The following CACNA1I variants were observed in gnomAD, a reference collection of about 807,000 sequenced individuals.
CACNA1I encodes the protein calcium voltage-gated channel subunit alpha1 I, also known as voltage-dependent T-type calcium channel subunit alpha-1I.
In CACNA1I, 74 loss-of-function variants were observed where a neutral mutation model predicts 201.6. The ratio of observed to expected loss-of-function variants is 0.37; its 90% confidence interval spans 0.30 to 0.45. CACNA1I has a LOEUF of 0.45. CACNA1I is among the 20% of genes least tolerant of loss of function. The pLI is 1.00. For synonymous variants in CACNA1I, 1,431 were observed against 1,345.2 expected, an observed-to-expected ratio of 1.06 and a Z score of -1.40; for missense variants, 2,346 against 3,138.1, an observed-to-expected ratio of 0.75 and a Z score of 6.03.
At chr22:39,673,265 G>A (rs916911412) in intron 28 of CACNA1I, among the ~76,000 whole-genome samples, 183 bp downstream of exon 28, 2 of 152,150 alleles carry the variant, frequency 1.3e-5, no homozygotes, top group Non-Finnish European at 2.9e-5. Context: ...CAACACACAC[G>A]CATGCACCCT....
At chr22:39,583,190 A>G (rs900173407) in intron 1 of CACNA1I, among the ~76,000 whole-genome samples, 14 of 131,416 alleles carry the variant, frequency 1.1e-4, no homozygotes, top group African/African-American at 3.6e-4. Flanking sequence ...CCATCCATCT[A>G]TCCAACAATC....
chr22:39,591,202 C>T (rs1478693310), intron 1 of CACNA1I, among the ~76,000 whole-genome samples: 1 of 147,238 alleles, frequency 6.8e-6, no homozygotes, highest in Non-Finnish European at 1.5e-5. Context: ...TCTCGTTGCC[C>T]AGGCTGGAGT....
At chr22:39,641,314 A>G in intron 6 of CACNA1I, 132 bp downstream of exon 6, 1 of 698,200 alleles carries the variant, frequency 1.4e-6, no homozygotes, top group Non-Finnish European at 2.4e-6. Flanking sequence ...CAGAATAGGC[A>G]TTATCATGCC....
chr22:39,637,512 C>T (rs1045560995), intron 5 of CACNA1I, among the ~76,000 whole-genome samples: 8 of 152,140 alleles, frequency 5.3e-5, no homozygotes, highest in Non-Finnish European at 8.8e-5. Context: ...TGTCACTTGG[C>T]AGCACTCCTG....
intron 18 of CACNA1I, among the ~76,000 whole-genome samples, chr22:39,663,342 C>G (rs1308977965): frequency 6.6e-6 from 1 of 152,116 alleles, no homozygotes; most frequent in Non-Finnish European, 1.5e-5. Context: ...AGGTGGCATT[C>G]CAGTAGGCAC....
In CACNA1I at chr22:39,679,826, C is replaced by G. The variant is rs375581733; in HGVS notation, c.5499C>G (p.Ser1833=). The G allele has an allele frequency of 2.5e-6, 4 of 1,612,880 alleles. No homozygotes were observed. The African/African-American group carries it at 4.0e-5, about 16-fold the overall frequency. ...CGGGCTCCATCTTCCACCACTACTC[C>G]TCGCCTGCCGGCTGCAAGAAGTGTC... ...NLSGSIFHHY[S]SPAGCKKCHH... is the part of the protein sequence containing the mutation. The change falls in exon 33 of 37, where the codon TCC becomes TCG. Residue 1833 remains serine (S), a synonymous_variant. Coordinates refer to ENST00000402142, the MANE Select transcript of CACNA1I (RefSeq NM_021096.4).
chr22:39,656,461 C>T (rs746151309), intron 10 of CACNA1I: 1 of 517,250 alleles, frequency 1.9e-6, no homozygotes, highest in Non-Finnish European at 3.9e-6. Context: ...CCCCTAGCCA[C>T]CCCCCACTTT....
Position 39,673,085 on chromosome 22 carries a change from G to A in CACNA1I, c.4783+3G>A, listed in dbSNP as rs749749834. 3.1e-6 allele frequency: 5 copies of A among 1,612,218 alleles called. No homozygotes were observed. In the South Asian group the frequency reaches 4.4e-5, roughly 14 times the overall value. ...GAGGGTTCTGCGCATTGCCCGAGGT[G>A]AGGGGCAAGGGGTGGGACAGGGAAC... On this transcript the variant is annotated splice_donor_region_variant and intron_variant, in intron 28 of 36. Coordinates refer to ENST00000402142, the MANE Select transcript of CACNA1I (RefSeq NM_021096.4).
At position 39,570,993 on chromosome 22, in the gene CACNA1I, C is replaced by G; in HGVS notation, c.236+5C>G. On this transcript the variant is annotated splice_donor_5th_base_variant and intron_variant, in intron 1 of 36. Transcript: ENST00000402142. ...CATCAAGATGGTGTGCAACCCATAT[C>G]CTCCGCAGCCTCGGCTGATCGGGGC... 6.2e-7 allele frequency: 1 copy of G among 1,610,354 alleles called. No homozygotes were observed. Among genetic ancestry groups the G allele is most frequent in the Non-Finnish European group, 8.5e-7 (1 of 1,176,826 alleles).
intron 4 of CACNA1I, among the ~76,000 whole-genome samples, chr22:39,620,696 A>T (rs1933719519): frequency 6.6e-6 from 1 of 151,844 alleles, no homozygotes; most frequent in Non-Finnish European, 1.5e-5. Context: ...GGGGAAAGAG[A>T]GGATGAGGGC....
At chr22:39,619,265 G>A in intron 3 of CACNA1I, 45 bp from the exon 4 acceptor site, 1 of 1,484,148 alleles carries the variant, frequency 6.7e-7, no homozygotes, top group Admixed American at 1.7e-5. Flanking sequence ...CCTGGCCCCA[G>A]CTGGCCTCCA....
In CACNA1I at chr22:39,665,459, C is replaced by A. The variant is rs1935157663; in HGVS notation, c.3852-39C>A. 6.2e-7 allele frequency: 1 copy of A among 1,610,470 alleles called. No homozygotes were observed. The highest frequency in any genetic ancestry group is 1.3e-5 in the African/African-American group (1 of 74,856). ...GAGTAGGGGCTGCCTCCTGGCCTGGCCAAGGGATTATGTGTGCCTGGCCTC... is the reference window on the plus strand; with the variant it reads ...GAGTAGGGGCTGCCTCCTGGCCTGGACAAGGGATTATGTGTGCCTGGCCTC... On this transcript the variant is annotated intron_variant, in intron 21 of 36. Transcript: ENST00000402142. This position sits in a 1 kb window ranked among gnomAD's most constrained non-coding sequence, Gnocchi z 5.5.
chr22:39,646,692 G>A lies in CACNA1I; in HGVS notation c.1273G>A (p.Val425Met). The A allele has an allele frequency of 6.3e-7, 1 of 1,590,790 alleles. No individual in the cohort carries two copies. The highest frequency in any genetic ancestry group is 1.1e-5 in the South Asian group (1 of 87,574). Residue 425 changes from valine to methionine, a missense_variant, in exon 8 of 37, where the codon GTG becomes ATG. Val to Met is a conservative substitution (Grantham distance 21). Transcript: ENST00000402142. ...GCAGCGCTACCTGTCCTCCAGCACG[G>A]TGGCCAGCTACGCCGAGCCTGGCGA... The part of the protein sequence containing the change: ...QRQRYLSSST[V>M]ASYAEPGDCY...
intron 10 of CACNA1I, among the ~76,000 whole-genome samples, chr22:39,652,097 G>C (rs1201443009): frequency 6.6e-6 from 1 of 151,106 alleles, no homozygotes; most frequent in Non-Finnish European, 1.5e-5. Flanking sequence ...GCATTGGTGT[G>C]ATCTGGGCTC....
At chr22:39,632,060 G>A (rs1259213019) in intron 4 of CACNA1I, among the ~76,000 whole-genome samples, 3 of 152,096 alleles carry the variant, frequency 2.0e-5, no homozygotes, top group East Asian at 3.9e-4. Flanking sequence ...GAAGCCAGCC[G>A]GATAGGTTTG....
chr22:39,651,016 C>T (rs1934630951), intron 10 of CACNA1I, among the ~76,000 whole-genome samples: 1 of 152,202 alleles, frequency 6.6e-6, no homozygotes, highest in Admixed American at 6.5e-5. Flanking sequence ...CTGGTCCTGC[C>T]CCATTTGGAA....
At chr22:39,674,245 A>G (rs1186683240) in intron 29 of CACNA1I, among the ~76,000 whole-genome samples, 1 of 151,814 alleles carries the variant, frequency 6.6e-6, no homozygotes, top group Non-Finnish European at 1.5e-5. Context: ...TGCCAGTGCC[A>G]CTCTGTGTCC....
In CACNA1I at chr22:39,676,729, G is replaced by C. The variant is rs565692483; in HGVS notation, c.4855-612G>C. On this transcript the variant is annotated intron_variant, in intron 29 of 36. Coordinates refer to ENST00000402142, the MANE Select transcript of CACNA1I (RefSeq NM_021096.4). This position sits in a 1 kb window ranked among gnomAD's most constrained non-coding sequence, Gnocchi z 4.8. ...CCCAAGGAGGCAAATCTGACCTCAT[G>C]CAGCTGTGTTCCTGCTCTTGAAGAT... Among the ~76,000 whole-genome samples, 52 of 152,334 alleles carry C rather than the reference G, an allele frequency of 3.4e-4. 1 individual carries two copies. In the Middle Eastern group the frequency reaches 0.01, roughly 30 times the overall value.
At chr22:39,664,675 T>C (rs2146454951) in intron 20 of CACNA1I, 64 bp from the exon 21 acceptor site, 2 of 469,654 alleles carry the variant, frequency 4.3e-6, no homozygotes, top group Non-Finnish European at 3.6e-6. Context: ...TAGAGCCCGG[T>C]TGGCCCCGCC....
Sources: allele counts gnomAD v4.1 joint callset (sites outside exome capture counted in the v4.1 genomes callset), GRCh38; gene constraint gnomAD v4.1.1; non-coding constraint Gnocchi (gnomAD v3.1); transcripts MANE v1.5; gene names NCBI Gene and HGNC (gene_info 2026-07-23, HGNC 2026-07-21).